Variants in AGBL1 observed in about 807,000 individuals in gnomAD.
AGBL1 encodes cytosolic carboxypeptidase 4.
A neutral mutation model predicts 118.9 loss-of-function variants in AGBL1; 130 were observed. That is an observed-to-expected ratio of 1.09 (90% CI 0.95 to 1.26). AGBL1 has a LOEUF of 1.26. Among genes scored for constraint, AGBL1 ranks in the 50% most tolerant of loss-of-function variants. The pLI, the probability that AGBL1 is intolerant of heterozygous loss-of-function variation, is 0.00. For synonymous variants in AGBL1, 555 were observed against 478.9 expected, an observed-to-expected ratio of 1.16 and a Z score of -2.08; for missense variants, 1,584 against 1,298.1, an observed-to-expected ratio of 1.22 and a Z score of -3.38.
intron 6 of AGBL1, among the ~76,000 whole-genome samples, chr15:86,229,395 T>C (rs1304704435): frequency 6.6e-6 from 1 of 152,102 alleles, no homozygotes; most frequent in Non-Finnish European, 1.5e-5. Flanking sequence ...AAAAAACCCT[T>C]ATGAAACCAT....
At chr15:86,296,841 A>G (rs1028971164) in intron 17 of AGBL1, 5 of 152,178 alleles carry the variant, frequency 3.3e-5, no homozygotes, top group African/African-American at 9.7e-5. Flanking sequence ...ACTTTCATTG[A>G]ACAATTATTT....
At chr15:86,999,283 C>A (rs1298763347) in intron 24 of AGBL1, among the ~76,000 whole-genome samples, 1 of 151,462 alleles carries the variant, frequency 6.6e-6, no homozygotes, top group Non-Finnish European at 1.5e-5. Flanking sequence ...AGGTTAGTTA[C>A]ATGTGTGTAC....
At chr15:86,091,242 T>C (rs1896003327) in intron 1 of AGBL1, among the ~76,000 whole-genome samples, 1 of 152,164 alleles carries the variant, frequency 6.6e-6, no homozygotes, top group Non-Finnish European at 1.5e-5. Flanking sequence ...GAGTGGAAAG[T>C]AGTGGGTGGA....
intron 19 of AGBL1, among the ~76,000 whole-genome samples, chr15:86,526,540 C>CTGTG (rs201896973): frequency 0.2 from 9,677 of 48,062 alleles, 516 homozygotes; most frequent in East Asian, 0.28. Flanking sequence ...ATGTTTGTGT[C>CTGTG]TGTGTATATA....
At chr15:86,787,427 C>T (rs895163313) in intron 22 of AGBL1, among the ~76,000 whole-genome samples, 1 of 152,088 alleles carries the variant, frequency 6.6e-6, no homozygotes, top group Non-Finnish European at 1.5e-5. Context: ...TCTCATTTTC[C>T]TCCCCTCCCC....
intron 22 of AGBL1, among the ~76,000 whole-genome samples, chr15:86,854,067 T>G (rs2079444639): frequency 6.6e-6 from 1 of 152,206 alleles, no homozygotes; most frequent in African/African-American, 2.4e-5. Context: ...GAAATGGCAC[T>G]GAGAGAGTTG....
In AGBL1 at chr15:86,614,896, T is replaced by C. The variant is rs1330853116; in HGVS notation, c.2995-59377T>C. On this transcript the variant is annotated intron_variant, in intron 21 of 22. Transcript: ENST00000614907. ...AGTAACTTTATGGCCTATTGGAGGC[T>C]TCTTTCTGAAGGTGACAACCAAACT... Among the ~76,000 whole-genome samples the C allele has an allele frequency of 2.0e-5, 3 of 152,232 alleles. No homozygotes were observed. The South Asian group carries it at 6.2e-4, about 31-fold the overall frequency.
Position 86,817,291 on chromosome 15 carries a change from T to TG in AGBL1, c.3159-89794dup, listed in dbSNP as rs1420235726. On this transcript the variant is annotated intron_variant, in intron 22 of 22. Transcript: ENST00000614907. ...TGGGATACAAGAACAAAACTCCATC[T>TG]GGAAAAAAAAAAAAAAAAACCACCA... Among the ~76,000 whole-genome samples the TG allele has an allele frequency of 1.3e-4, 12 of 89,268 alleles. No homozygotes were observed. In the East Asian group the frequency reaches 1.9e-3, roughly 14 times the overall value. 58.6% of individuals were successfully genotyped at this position (89,268 alleles called of 152,430 possible).
chr15:86,402,573 G>C (rs1428551534), intron 18 of AGBL1, among the ~76,000 whole-genome samples: 1 of 152,140 alleles, frequency 6.6e-6, no homozygotes, highest in Non-Finnish European at 1.5e-5. Context: ...TCAGTAAAGA[G>C]ACAATCCTTG....
intron 5 of AGBL1, among the ~76,000 whole-genome samples, chr15:86,202,631 T>A (rs867314078): frequency 6.6e-5 from 10 of 152,146 alleles, no homozygotes; most frequent in South Asian, 6.2e-4. Context: ...AAGCTTTCAT[T>A]ATGTTGGGGG....
At chr15:86,408,170 C>T (rs2081559078) in intron 18 of AGBL1, among the ~76,000 whole-genome samples, 1 of 152,168 alleles carries the variant, frequency 6.6e-6, no homozygotes, top group Admixed American at 6.5e-5. Context: ...CTTACATGAT[C>T]ACAAGCTGAA....
intron 17 of AGBL1, among the ~76,000 whole-genome samples, chr15:86,347,099 G>A (rs2080549682): frequency 6.6e-6 from 1 of 152,208 alleles, no homozygotes; most frequent in Non-Finnish European, 1.5e-5. Context: ...TGTTAGGGCT[G>A]ACCTGGATGG....
Position 86,262,835 on chromosome 15 carries a change from C to A in AGBL1, c.1027C>A (p.Pro343Thr), listed in dbSNP as rs1355405401. ...KLSSKPGLDRPEEELMQYEVM... is the reference protein window; with the variant it reads ...KLSSKPGLDRTEEELMQYEVM... ...GAGTTCCAAACCTGGTCTTGACCGA[C>A]CTGAAGAGGAACTGATGCAATATGA... is the stretch of plus-strand genomic sequence containing the variant. The change falls in exon 10 of 23, where the codon CCT becomes ACT. Residue 343 changes from proline (P) to threonine (T), a missense_variant. By Grantham distance (38) the Pro-to-Thr change is conservative (BLOSUM62 -1). Coordinates refer to ENST00000614907, the MANE Select transcript of AGBL1 (RefSeq NM_001386094.1). The A allele has an allele frequency of 1.1e-5, 18 of 1,611,392 alleles. No individual in the cohort carries two copies. Among genetic ancestry groups the A allele is most frequent in the Non-Finnish European group, 1.4e-5 (17 of 1,178,956 alleles).
At chr15:86,719,516 G>A (rs966846596) in intron 22 of AGBL1, among the ~76,000 whole-genome samples, 2 of 152,156 alleles carry the variant, frequency 1.3e-5, no homozygotes, top group African/African-American at 4.8e-5. Context: ...ATAGGGAGCA[G>A]GGTGAGCTTC....
At chr15:86,190,672 C>T in intron 5 of AGBL1, among the ~76,000 whole-genome samples, 1 of 152,098 alleles carries the variant, frequency 6.6e-6, no homozygotes, top group East Asian at 1.9e-4. Flanking sequence ...ACATAACTTA[C>T]AATACCCTTA....
At chr15:86,696,982 G>A (rs987984080) in intron 22 of AGBL1, among the ~76,000 whole-genome samples, 18 of 151,726 alleles carry the variant, frequency 1.2e-4, no homozygotes, top group Non-Finnish European at 2.9e-5. Context: ...TAATAAGATA[G>A]TTTTTTTTAA....
At chr15:87,026,812 AG>A (rs1454997242) in intron 24 of AGBL1, among the ~76,000 whole-genome samples, 5 of 151,992 alleles carry the variant, frequency 3.3e-5, no homozygotes, top group Non-Finnish European at 7.4e-5. Flanking sequence ...AGCCATAAAA[AG>A]GAATGAATTA....
intron 5 of AGBL1, 126 bp downstream of exon 5, chr15:86,159,152 A>G: frequency 1.2e-6 from 1 of 843,700 alleles, no homozygotes; most frequent in East Asian, 2.6e-5. Flanking sequence ...GAAATATGGT[A>G]CCATGTCTTT....
At chr15:86,386,878 T>C (rs968142398) in intron 17 of AGBL1, among the ~76,000 whole-genome samples, 2 of 152,180 alleles carry the variant, frequency 1.3e-5, no homozygotes, top group African/African-American at 4.8e-5. Context: ...AATAAATAAA[T>C]ATTCTTTGAA....
Sources: allele counts gnomAD v4.1 joint callset (sites outside exome capture counted in the v4.1 genomes callset), GRCh38; gene constraint gnomAD v4.1.1; transcripts MANE v1.5; gene names NCBI Gene and HGNC (gene_info 2026-07-23, HGNC 2026-07-21).